Variants in SESN1 observed in about 807,000 individuals in gnomAD.
SESN1 encodes the protein sestrin 1.
SESN1 carries 30 observed loss-of-function variants against 59.3 expected under a neutral mutation model. The observed-to-expected ratio is 0.51, with a 90% confidence interval of 0.38 to 0.69. The LOEUF (loss-of-function observed/expected upper bound fraction) is 0.69. Ranked by LOEUF, SESN1 falls within the 30% of genes least tolerant of loss-of-function variation. The pLI, the probability that SESN1 is intolerant of heterozygous loss-of-function variation, is 0.00. For missense variants in SESN1, 566 were observed against 673.0 expected (o/e 0.84, Z 1.76); for synonymous variants, 197 against 219.9 (o/e 0.90, Z 0.92).
chr6:109,063,881 T>C (rs1159756056), intron 1 of SESN1, among the ~76,000 whole-genome samples: 1 of 149,174 alleles, frequency 6.7e-6, no homozygotes, highest in Non-Finnish European at 1.5e-5. Flanking sequence ...TGTCTGAAAA[T>C]AGTTATCCTT....
intron 1 of SESN1, among the ~76,000 whole-genome samples, chr6:109,081,286 G>C (rs1452985056): frequency 2.6e-5 from 4 of 152,226 alleles, no homozygotes; most frequent in Admixed American, 2.6e-4. Flanking sequence ...TCACTATGTT[G>C]CCCAAGCAGG....
chr6:109,046,598 G>A (rs892490894), intron 1 of SESN1, among the ~76,000 whole-genome samples: 2 of 142,960 alleles, frequency 1.4e-5, no homozygotes, highest in African/African-American at 5.1e-5. Context: ...GGAAAGTGAG[G>A]AGCGTCTGCG....
At chr6:109,039,098 GGGA>G (rs1780296284) in intron 1 of SESN1, among the ~76,000 whole-genome samples, 1 of 148,884 alleles carries the variant, frequency 6.7e-6, no homozygotes, top group Admixed American at 6.7e-5. Flanking sequence ...AGGAGAAGGA[GGGA>G]GGAGAAGGAG....
chr6:109,049,136 A>G (rs1780499677), intron 1 of SESN1, among the ~76,000 whole-genome samples: 1 of 152,216 alleles, frequency 6.6e-6, no homozygotes, highest in East Asian at 1.9e-4. Context: ...TTGGTATCAA[A>G]AAAAAGAGGA....
At chr6:109,044,311 CAAAAAAAAAAA>C (rs71015570) in intron 1 of SESN1, among the ~76,000 whole-genome samples, 52 of 28,434 alleles carry the variant, frequency 1.8e-3, no homozygotes, top group East Asian at 5.2e-3. Flanking sequence ...GAACTTGCCT[CAAAAAAAAAAA>C]AAAAAAAAAA....
rs958191694 is a variant in SESN1, at chr6:108,994,576, T to C, written c.1006A>G (p.Met336Val). ...TCCTGTAACTGCCTCATCTTTTCCA[T>C]GAGGGCTTCAACCTCAAAGAAAGAA... ...SDSFFEVEAL[M>V]EKMRQLQECR... The change falls in exon 6 of 10, where the codon ATG becomes GTG. Residue 336 changes from methionine (M) to valine (V), a missense_variant. By Grantham distance (21) the Met-to-Val change is conservative (BLOSUM62 1). Coordinates refer to ENST00000436639, the MANE Select transcript of SESN1 (RefSeq NM_014454.3). 6.2e-7 allele frequency: 1 copy of C among 1,613,328 alleles called. No individual in the cohort carries two copies.
intron 1 of SESN1, among the ~76,000 whole-genome samples, chr6:109,057,978 G>A (rs1419297228): frequency 6.6e-6 from 1 of 152,018 alleles, no homozygotes; most frequent in Admixed American, 6.6e-5. Flanking sequence ...AACACATAAT[G>A]ATGTTTCAGT....
intron 5 of SESN1, among the ~76,000 whole-genome samples, chr6:108,995,838 A>G (rs1779493581): frequency 6.6e-6 from 1 of 152,138 alleles, no homozygotes; most frequent in Non-Finnish European, 1.5e-5. Flanking sequence ...TACAAAATTA[A>G]TGTTTCCCCC....
chr6:109,092,170 T>C (rs886211590), intron 1 of SESN1, among the ~76,000 whole-genome samples: 11 of 152,240 alleles, frequency 7.2e-5, no homozygotes, highest in African/African-American at 2.7e-4. Context: ...GTATTTCACT[T>C]ATGAAAGGGA....
At position 109,000,525 on chromosome 6, in the gene SESN1, T is replaced by C. The variant is rs1269416704; in HGVS notation, c.695A>G (p.His232Arg). The change falls in exon 4 of 10, where the codon CAT becomes CGT. Residue 232 changes from histidine to arginine, a missense_variant. Physicochemically the swap from His to Arg is conservative, Grantham distance 29 (BLOSUM62 0). Transcript: ENST00000436639. ...TTCTTTGGTAATAAGCCAAGGTCTATGGGCTAACACTTTGTTAAGTTCTCC... is the reference window on the plus strand; with the variant it reads ...TTCTTTGGTAATAAGCCAAGGTCTACGGGCTAACACTTTGTTAAGTTCTCC... The part of the protein sequence containing the change: ...NLGELNKVLA[H>R]RPWLITKEHI... The C allele has an allele frequency of 1.2e-6, 2 of 1,606,942 alleles. No individual in the cohort carries two copies. Among genetic ancestry groups the C allele is most frequent in the Admixed American group, 1.7e-5 (1 of 59,348 alleles).
intron 1 of SESN1, among the ~76,000 whole-genome samples, chr6:109,046,695 C>T (rs940307152): frequency 5.9e-5 from 8 of 135,296 alleles, no homozygotes; most frequent in African/African-American, 1.7e-4. Context: ...TCTGCCCGGC[C>T]GCCCATCGTC....
chr6:109,026,696 G>A (rs542929579), intron 1 of SESN1, among the ~76,000 whole-genome samples: 1 of 152,026 alleles, frequency 6.6e-6, no homozygotes, highest in South Asian at 2.1e-4. Flanking sequence ...GTAGCGACGG[G>A]GTTTCACCAT....
intron 4 of SESN1, 28 bp from the exon 5 acceptor site, chr6:108,998,783 T>C (rs1779555369): frequency 6.3e-7 from 1 of 1,587,030 alleles, no homozygotes; most frequent in South Asian, 1.1e-5. Context: ...AAAGAATATA[T>C]TTTTGTACTG....
At chr6:109,026,746 G>A (rs754850050) in intron 1 of SESN1, among the ~76,000 whole-genome samples, 9 of 151,818 alleles carry the variant, frequency 5.9e-5, no homozygotes, top group Non-Finnish European at 1.0e-4. Context: ...CTCATGATCC[G>A]CCCGCCTCAG....
At chr6:109,011,373 TATGTG>T (rs1779855574) in intron 1 of SESN1, among the ~76,000 whole-genome samples, 1 of 152,244 alleles carries the variant, frequency 6.6e-6, no homozygotes, top group South Asian at 2.1e-4. Flanking sequence ...AATGCTGCCT[TATGTG>T]AAAAGAAAAA....
At chr6:109,038,795 C>T (rs1780285868) in intron 1 of SESN1, among the ~76,000 whole-genome samples, 1 of 151,882 alleles carries the variant, frequency 6.6e-6, no homozygotes, top group African/African-American at 2.4e-5. Context: ...TAGGGATCAG[C>T]TACTTCCCTA....
At position 109,094,029 on chromosome 6, in the gene SESN1, G is replaced by C; in HGVS notation, c.45C>G (p.Ser15Arg). 1 of 1,614,136 alleles carries C rather than the reference G, an allele frequency of 6.2e-7. No homozygotes were observed. The highest frequency in any genetic ancestry group is 1.1e-5 in the South Asian group (1 of 91,086). The change falls in exon 1 of 10, where the codon AGC becomes AGG. Residue 15 changes from serine (S) to arginine (R), a missense_variant. Transcript: ENST00000436639. The stretch of plus-strand genomic sequence containing the variant: ...CTGTCTCCCTAGTAGTTGAATCTCT[G>C]CTGCAGAGTCCATCCCATCTCACTT... ...ENEVRWDGLC[S>R]RDSTTRETAL...
In SESN1 at chr6:109,055,838, G is replaced by A. The variant is rs78639691; in HGVS notation, c.279+37957C>T. ...TGTGTAAGATCTGTACTCATTGTCC[G>A]TGATATATAGTAGTTACTCAATATG... On this transcript the variant is annotated intron_variant, in intron 1 of 9. Transcript: ENST00000436639. 9.2e-3 allele frequency among the ~76,000 whole-genome samples: 1,395 copies of A among 152,078 alleles called. 26 individuals carry two copies. Among genetic ancestry groups the A allele is most frequent in the African/African-American group, 0.03 (1,262 of 41,458 alleles).
chr6:109,018,123 T>C (rs1447210374), intron 1 of SESN1, among the ~76,000 whole-genome samples: 3 of 152,222 alleles, frequency 2.0e-5, no homozygotes, highest in African/African-American at 7.2e-5. Context: ...TCCTTGTATA[T>C]TATCAGTGGT....
Sources: allele counts gnomAD v4.1 joint callset (sites outside exome capture counted in the v4.1 genomes callset), GRCh38; gene constraint gnomAD v4.1.1; transcripts MANE v1.5; gene names NCBI Gene and HGNC (gene_info 2026-07-23, HGNC 2026-07-21).